KDM4D: variants seen among roughly 807,000 people sequenced by gnomAD.
KDM4D encodes the protein lysine-specific demethylase 4D.
For missense variants in KDM4D, 427 were observed against 674.8 expected (o/e 0.63, Z 4.07); for synonymous variants, 254 against 249.1 (o/e 1.02, Z -0.19).
intron 2 of KDM4D, among the ~76,000 whole-genome samples, chr11:94,979,587 G>A (rs1394436008): frequency 6.6e-6 from 1 of 152,080 alleles, no homozygotes; most frequent in East Asian, 1.9e-4. Flanking sequence ...TTATATAAAT[G>A]TTCAAAATGT....
Position 94,997,580 on chromosome 11 carries a change from T to C in KDM4D, c.208T>C (p.Leu70=). The C allele has an allele frequency of 6.2e-7, 1 of 1,613,838 alleles. No individual in the cohort carries two copies. Among genetic ancestry groups the C allele is most frequent in the Non-Finnish European group, 8.5e-7 (1 of 1,179,938 alleles). The change falls in exon 3 of 3, where the codon TTA becomes CTA. Residue 70 remains leucine (L), a synonymous_variant. Coordinates refer to ENST00000335080, the MANE Select transcript of KDM4D (RefSeq NM_018039.3). The part of the protein sequence containing the change: ...RETYDNISEI[L]IATPLQQVAS... ...GACCTATGATAATATCAGTGAAATC[T>C]TAATAGCCACTCCCCTCCAGCAGGT...
At chr11:94,981,100 G>A (rs1257491211) in intron 2 of KDM4D, among the ~76,000 whole-genome samples, 2 of 152,088 alleles carry the variant, frequency 1.3e-5, no homozygotes, top group African/African-American at 4.8e-5. Flanking sequence ...TTTGCTGAAA[G>A]AATGATGAAT....
At position 94,998,265 on chromosome 11, in the gene KDM4D, C is replaced by T. The variant is rs587708325; in HGVS notation, c.893C>T (p.Pro298Leu). The change falls in exon 3 of 3, where the codon CCG becomes CTG. Residue 298 changes from proline to leucine, a missense_variant. By Grantham distance (98) the Pro-to-Leu change is moderately conservative. Coordinates refer to ENST00000335080, the MANE Select transcript of KDM4D (RefSeq NM_018039.3). The surrounding 1 kb of genome is among the most constrained non-coding windows in gnomAD (Gnocchi z 6.7). ...GCAGAGGCCATCAATTTTGCCACTC[C>T]GCGATGGATTGATTATGGCAAAATG... ...NCAEAINFAT[P>L]RWIDYGKMAS... The T allele has an allele frequency of 3.0e-5, 49 of 1,614,236 alleles. 1 individual carries two copies. In the Middle Eastern group the frequency reaches 4.9e-4, roughly 16 times the overall value.
At chr11:94,990,637 G>GA (rs1857926863) in intron 2 of KDM4D, among the ~76,000 whole-genome samples, 1 of 152,210 alleles carries the variant, frequency 6.6e-6, no homozygotes. Context: ...AATGGTAAAG[G>GA]AAAACAGGTA....
chr11:94,986,226 T>C (rs1181568701), intron 2 of KDM4D, among the ~76,000 whole-genome samples: 2 of 152,096 alleles, frequency 1.3e-5, no homozygotes, highest in Non-Finnish European at 2.9e-5. Context: ...TCTCCAAATA[T>C]ATATATGAAT....
At chr11:94,974,880 C>A (rs1362374946) in intron 1 of KDM4D, among the ~76,000 whole-genome samples, 2 of 152,174 alleles carry the variant, frequency 1.3e-5, no homozygotes, top group Non-Finnish European at 2.9e-5. Flanking sequence ...ATCCTACAGT[C>A]AGTGTTGCAT....
intron 2 of KDM4D, among the ~76,000 whole-genome samples, chr11:94,989,195 T>C (rs1168276696): frequency 1.3e-5 from 2 of 152,182 alleles, no homozygotes; most frequent in Non-Finnish European, 2.9e-5. Flanking sequence ...CCAAAGGGGA[T>C]TTTTTTAAAA....
Position 94,973,947 on chromosome 11 carries a change from C to T in KDM4D, c.-566C>T, listed in dbSNP as rs2134106336. Reference sequence around the variant, plus strand: ...TAAATCCAACGACTCCTGCTTCCATCCTTTCTCCTGAGCTAGAACCAACAA... The same window carrying T: ...TAAATCCAACGACTCCTGCTTCCATTCTTTCTCCTGAGCTAGAACCAACAA... On this transcript the variant is annotated 5_prime_UTR_variant, in exon 1 of 3. Transcript: ENST00000335080. The T allele has an allele frequency of 6.6e-6, 1 of 152,370 alleles. No homozygotes were observed. Among genetic ancestry groups the T allele is most frequent in the Non-Finnish European group, 1.5e-5 (1 of 68,048 alleles). The allele number at this position is 152,370 out of a possible 1,614,324, so 9.4% of individuals were successfully genotyped here.
chr11:94,996,024 A>G (rs751325931), intron 2 of KDM4D, among the ~76,000 whole-genome samples: 4 of 152,190 alleles, frequency 2.6e-5, no homozygotes, highest in Non-Finnish European at 5.9e-5. Context: ...GCAAAGTCAC[A>G]CGGTATGAGT....
intron 2 of KDM4D, among the ~76,000 whole-genome samples, chr11:94,983,529 A>G (rs1046721981): frequency 1.3e-5 from 2 of 152,162 alleles, no homozygotes; most frequent in African/African-American, 4.8e-5. Flanking sequence ...GAGATAAGTT[A>G]TTTGCAACAA....
intron 2 of KDM4D, among the ~76,000 whole-genome samples, chr11:94,986,485 A>C (rs2134112098): frequency 6.6e-6 from 1 of 152,224 alleles, no homozygotes; most frequent in African/African-American, 2.4e-5. Flanking sequence ...AGTGCCAGCT[A>C]CTTGGGAGGC....
intron 2 of KDM4D, among the ~76,000 whole-genome samples, chr11:94,977,642 T>A (rs1857808826): frequency 6.6e-6 from 1 of 152,140 alleles, no homozygotes; most frequent in Admixed American, 6.6e-5. Flanking sequence ...CTTCCCCTCT[T>A]TCTTCTTTTT....
intron 2 of KDM4D, among the ~76,000 whole-genome samples, chr11:94,993,513 G>GTTTTTTT: frequency 7.0e-6 from 1 of 142,046 alleles, no homozygotes; most frequent in Admixed American, 7.0e-5. Context: ...ATTCTAAGCA[G>GTTTTTTT]TTTTTTTTTT....
rs782245540 is a variant in KDM4D, at chr11:94,998,045, C to T, written c.673C>T (p.Arg225Cys). 33 of 1,614,206 alleles carry T rather than the reference C, an allele frequency of 2.0e-5. 1 individual carries two copies. In the South Asian group the frequency reaches 2.1e-4, roughly 10 times the overall value. Residue 225 changes from arginine (R) to cysteine (C), a missense_variant, in exon 3 of 3, where the codon CGC (arginine) becomes TGC (cysteine). Transcript: ENST00000335080. The surrounding 1 kb of genome is among the most constrained non-coding windows in gnomAD (Gnocchi z 6.7). The stretch of plus-strand genomic sequence containing the variant: ...CCCAGAACATGGCCAGCGCCTGGAA[C>T]GCCTGGCCAGGGAGCTCTTCCCAGG... Reference protein sequence around the residue: ...VPPEHGQRLERLARELFPGSS... With the variant: ...VPPEHGQRLECLARELFPGSS...
rs782437101 is a variant in KDM4D at position 94,998,734 on chromosome 11, T to G, written c.1362T>G (p.Gly454=). ...IHPSNGRRGR[G]RPPQKLRAQE... ...CGTCAAATGGCAGACGTGGTCGTGG[T>G]CGCCCTCCTCAGAAACTGAGAGCTC... Residue 454 remains glycine (G), a synonymous_variant, in exon 3 of 3, where the codon GGT becomes GGG. Coordinates refer to ENST00000335080, the MANE Select transcript of KDM4D (RefSeq NM_018039.3). This position sits in a 1 kb window ranked among gnomAD's most constrained non-coding sequence, Gnocchi z 6.7. The G allele has an allele frequency of 6.2e-7, 1 of 1,614,060 alleles. No homozygotes were observed. Among genetic ancestry groups the G allele is most frequent in the Non-Finnish European group, 8.5e-7 (1 of 1,179,944 alleles).
chr11:94,987,116 A>C (rs1347243706), intron 2 of KDM4D, among the ~76,000 whole-genome samples: 2 of 152,200 alleles, frequency 1.3e-5, no homozygotes, highest in Non-Finnish European at 2.9e-5. Context: ...GCAAATCTGT[A>C]GAGATAGAAG....
chr11:94,976,750 G>A (rs1857800375), intron 2 of KDM4D, among the ~76,000 whole-genome samples: 2 of 152,058 alleles, frequency 1.3e-5, no homozygotes, highest in African/African-American at 4.8e-5. Flanking sequence ...TTTTATGGCA[G>A]GAGTAGCATA....
At chr11:94,992,471 G>A (rs1016533896) in intron 2 of KDM4D, among the ~76,000 whole-genome samples, 177 of 151,976 alleles carry the variant, frequency 1.2e-3, no homozygotes, top group African/African-American at 3.8e-3. Flanking sequence ...AACCTTAGTC[G>A]TTGTCCAAGA....
chr11:94,992,799 A>G (rs1322466412), intron 2 of KDM4D, among the ~76,000 whole-genome samples: 1 of 152,218 alleles, frequency 6.6e-6, no homozygotes, highest in Non-Finnish European at 1.5e-5. Flanking sequence ...TAGCTGTCCA[A>G]TAATACAGGA....
Sources: allele counts gnomAD v4.1 joint callset (sites outside exome capture counted in the v4.1 genomes callset), GRCh38; gene constraint gnomAD v4.1.1; non-coding constraint Gnocchi (gnomAD v3.1); transcripts MANE v1.5; gene names NCBI Gene and HGNC (gene_info 2026-07-23, HGNC 2026-07-21).